UGGT2: variants seen among roughly 807,000 people sequenced by gnomAD.
UGGT2 encodes the protein UDP-glucose glycoprotein glucosyltransferase 2, also known as UDP-glucose:glycoprotein glucosyltransferase 2.
In UGGT2, 180 loss-of-function variants were observed where a neutral mutation model predicts 192.1. The observed-to-expected ratio is 0.94, with a 90% CI of 0.83 to 1.06. The LOEUF (loss-of-function observed/expected upper bound fraction) is 1.06. UGGT2 is among the 50% of genes least tolerant of loss of function. UGGT2 has a pLI of 0.00. For synonymous variants in UGGT2, 580 were observed against 591.0 expected (o/e 0.98, Z 0.27); for missense variants, 1,849 against 1,795.7 (o/e 1.03, Z -0.54).
intron 38 of UGGT2, among the ~76,000 whole-genome samples, chr13:95,804,590 C>A (rs551225646): frequency 6.6e-6 from 1 of 152,206 alleles, no homozygotes; most frequent in South Asian, 2.1e-4. Flanking sequence ...ATGGTCCCGG[C>A]ATAAAGACAA....
chr13:95,915,292 C>T (rs1186024016), intron 20 of UGGT2, among the ~76,000 whole-genome samples: 1 of 152,186 alleles, frequency 6.6e-6, no homozygotes, highest in African/African-American at 2.4e-5. Flanking sequence ...CAACCTGACT[C>T]TCTGCTCCTG....
chr13:96,036,632 G>A (rs1447467152), intron 1 of UGGT2, among the ~76,000 whole-genome samples: 1 of 151,976 alleles, frequency 6.6e-6, no homozygotes, highest in African/African-American at 2.4e-5. Flanking sequence ...AGCACTTTTG[G>A]AACTCTTCTG....
chr13:95,803,540 G>A (rs1884165289), intron 38 of UGGT2, among the ~76,000 whole-genome samples: 1 of 152,210 alleles, frequency 6.6e-6, no homozygotes, highest in African/African-American at 2.4e-5. Context: ...GATTACAGGT[G>A]TGATTCACCG....
chr13:95,874,635 A>G (rs1891503947), intron 29 of UGGT2, among the ~76,000 whole-genome samples: 1 of 152,168 alleles, frequency 6.6e-6, no homozygotes, highest in South Asian at 2.1e-4. Flanking sequence ...CTGAAACCAC[A>G]GAAAGCAAAT....
intron 4 of UGGT2, among the ~76,000 whole-genome samples, chr13:96,018,768 C>A (rs183591589): frequency 7.4e-4 from 106 of 143,450 alleles, no homozygotes; most frequent in Non-Finnish European, 1.2e-3. Context: ...ACACAAAAAA[C>A]CAAGTGTTTA....
chr13:96,015,896 C>T lies in UGGT2; in HGVS notation c.486-2415G>A, dbSNP rs78223110. On this transcript the variant is annotated intron_variant, in intron 4 of 38. Transcript: ENST00000376747. ...TGAAACTTATTTATTCATTTCATTACGGTATCACTCACTCAATATTTTTCA... is the reference window on the plus strand; with the variant it reads ...TGAAACTTATTTATTCATTTCATTATGGTATCACTCACTCAATATTTTTCA... Among the ~76,000 whole-genome samples the T allele has an allele frequency of 5.7e-4, 87 of 152,226 alleles. 3 individuals are homozygous for T. In the East Asian group the frequency reaches 0.016, roughly 28 times the overall value.
At chr13:95,959,088 T>TG (rs2050305904) in intron 12 of UGGT2, among the ~76,000 whole-genome samples, 2 of 152,158 alleles carry the variant, frequency 1.3e-5, no homozygotes, top group Non-Finnish European at 2.9e-5. Context: ...TGTCCTGCCC[T>TG]GGGGCCTAAC....
Position 95,828,353 on chromosome 13 carries a change from A to C in UGGT2, c.4528+4574T>G, listed in dbSNP as rs563356933. ...AACTGAAGGAGACAGAGACACAAAAAACCCTTCAAAAAATCAATGAATTCA... is the reference window on the plus strand; with the variant it reads ...AACTGAAGGAGACAGAGACACAAAACACCCTTCAAAAAATCAATGAATTCA... On this transcript the variant is annotated intron_variant, in intron 38 of 38. Transcript: ENST00000376747. 3.3e-5 allele frequency among the ~76,000 whole-genome samples: 5 copies of C among 152,308 alleles called. No individual in the cohort carries two copies. The East Asian group carries it at 9.6e-4, about 29-fold the overall frequency.
intron 10 of UGGT2, among the ~76,000 whole-genome samples, chr13:95,981,159 AATT>A (rs1478264345): frequency 6.6e-6 from 1 of 152,150 alleles, no homozygotes; most frequent in East Asian, 1.9e-4. Flanking sequence ...AAGTGAGAAA[AATT>A]ATGCTTAAGA....
chr13:95,968,458 T>C (rs2050659314), intron 12 of UGGT2, among the ~76,000 whole-genome samples: 1 of 152,164 alleles, frequency 6.6e-6, no homozygotes, highest in African/African-American at 2.4e-5. Context: ...TAATCCCCAA[T>C]GCCGGAGGTA....
rs776830257 is a variant in UGGT2 at position 96,013,301 on chromosome 13, G to A, written c.660+6C>T. Reference sequence around the variant, plus strand: ...AAAAGCAACCTTGGAAAAAACAAGCGCATACCTGAATATAATGGCGAAGAA... The same window carrying A: ...AAAAGCAACCTTGGAAAAAACAAGCACATACCTGAATATAATGGCGAAGAA... On this transcript the variant is annotated splice_donor_region_variant and intron_variant, in intron 5 of 38. Coordinates refer to ENST00000376747, the MANE Select transcript of UGGT2 (RefSeq NM_020121.4). 41 of 1,565,458 alleles carry A rather than the reference G, an allele frequency of 2.6e-5. No homozygotes were observed. The South Asian group carries it at 2.6e-4, about 10-fold the overall frequency.
chr13:95,968,405 A>G (rs2050657180), intron 12 of UGGT2, among the ~76,000 whole-genome samples: 1 of 152,194 alleles, frequency 6.6e-6, no homozygotes, highest in Non-Finnish European at 1.5e-5. Flanking sequence ...ATGTGCTGAT[A>G]TAATTTGGAT....
intron 1 of UGGT2, among the ~76,000 whole-genome samples, chr13:96,049,864 T>C (rs1460248894): frequency 6.6e-6 from 1 of 152,198 alleles, no homozygotes; most frequent in Non-Finnish European, 1.5e-5. Flanking sequence ...TCCATGCTCA[T>C]GGATAGGAAG....
At chr13:95,849,319 G>A (rs1020410554) in intron 36 of UGGT2, among the ~76,000 whole-genome samples, 2 of 152,108 alleles carry the variant, frequency 1.3e-5, no homozygotes, top group South Asian at 2.1e-4. Flanking sequence ...GGCAGATCAC[G>A]AGTTCAGGAG....
At chr13:95,974,583 C>A (rs1202030961) in intron 10 of UGGT2, among the ~76,000 whole-genome samples, 1 of 152,134 alleles carries the variant, frequency 6.6e-6, no homozygotes, top group Non-Finnish European at 1.5e-5. Flanking sequence ...AAGAGGTTTG[C>A]CTATCAGAGA....
chr13:95,957,733 T>C (rs1566755113), intron 12 of UGGT2, among the ~76,000 whole-genome samples: 1 of 152,238 alleles, frequency 6.6e-6, no homozygotes, highest in Non-Finnish European at 1.5e-5. Flanking sequence ...AAGGTTTCTT[T>C]ATAGGTCTGT....
chr13:96,013,623 C>A (rs1331788328), intron 4 of UGGT2, 142 bp from the exon 5 acceptor site: 2 of 549,712 alleles, frequency 3.6e-6, no homozygotes, highest in East Asian at 3.5e-5. Context: ...TGACTTTGTA[C>A]ACATAACTTG....
At chr13:96,050,733 T>G (rs888060515) in intron 1 of UGGT2, among the ~76,000 whole-genome samples, 14 of 152,150 alleles carry the variant, frequency 9.2e-5, no homozygotes, top group East Asian at 1.9e-4. Flanking sequence ...ATGAAAAAAT[T>G]CTCATCATCA....
chr13:95,829,908 C>T (rs971907184), intron 38 of UGGT2, among the ~76,000 whole-genome samples: 2 of 152,176 alleles, frequency 1.3e-5, no homozygotes, highest in Non-Finnish European at 2.9e-5. Flanking sequence ...ACCAAAACAG[C>T]ATGGTACTGG....
Sources: gnomAD v4.1 joint callset for allele counts (sites outside exome capture counted in the v4.1 genomes callset) on GRCh38, gnomAD v4.1.1 for gene constraint, MANE v1.5 for transcripts, NCBI Gene and HGNC (gene_info 2026-07-23, HGNC 2026-07-21) for gene names.